Variants in ZNF850 observed in about 807,000 individuals in gnomAD.
The protein encoded by ZNF850 is putative zinc finger protein ENSP00000330994.
Under a neutral mutation model 11.9 loss-of-function variants are expected in ZNF850, and 2 were observed. The ratio of observed to expected loss-of-function variants is 0.17; its 90% CI spans 0.07 to 0.53. The LOEUF is 0.53. Among genes scored for constraint, ZNF850 ranks in the 20% least tolerant of loss-of-function variants. ZNF850 has a pLI of 0.94. For missense variants in ZNF850, 1,014 were observed against 1,316.4 expected (o/e 0.77, Z 3.55); for synonymous variants, 381 against 443.0 (o/e 0.86, Z 1.76).
intron 4 of ZNF850, among the ~76,000 whole-genome samples, chr19:36,752,482 T>G (rs1366392186): frequency 6.6e-6 from 1 of 152,188 alleles, no homozygotes; most frequent in Non-Finnish European, 1.5e-5. Flanking sequence ...GTAATTACAA[T>G]AAATCACATC....
rs78930869 is a variant in ZNF850, at chr19:36,768,683, C to T, written c.-70+4042G>A. ...TTCCCTTTAAAAATGCAGTGATAGG[C>T]CAGGTGTGGTGGCTCTTCCCTGTAA... On this transcript the variant is annotated intron_variant, in intron 1 of 4. Transcript: ENST00000591344. 7.1e-3 allele frequency among the ~76,000 whole-genome samples: 1,085 copies of T among 152,238 alleles called. 11 individuals are homozygous for T. Among genetic ancestry groups the T allele is most frequent in the African/African-American group, 0.024 (1,009 of 41,540 alleles).
rs2040523942 is a variant in ZNF850, at chr19:36,762,305, C to T, written c.139G>A (p.Gly47Ser). 1 of 1,550,982 alleles carries T rather than the reference C, an allele frequency of 6.4e-7. No homozygotes were observed. The highest frequency in any genetic ancestry group is 8.6e-7 in the Non-Finnish European group (1 of 1,156,724). Reference sequence around the variant, plus strand: ...GTTATTTGCGGATAGACATCCTTACCTAGTGAGACCAGGCTGCTGTAGTTC... The same window carrying T: ...GTTATTTGCGGATAGACATCCTTACTTAGTGAGACCAGGCTGCTGTAGTTC... ...MENYSSLVSL[G>S]LSIPKPDVIS... Residue 47 changes from glycine (G) to serine (S), a missense_variant and splice_region_variant, in exon 3 of 5, where the codon GGT becomes AGT. Transcript: ENST00000591344.
chr19:36,761,495 G>A (rs150146531), intron 4 of ZNF850, 148 bp downstream of exon 4: 197 of 420,634 alleles, frequency 4.7e-4, no homozygotes, highest in Non-Finnish European at 6.2e-4. Flanking sequence ...GGGGTGTATC[G>A]TGACTTCTCT....
rs1440892548 is a variant in ZNF850 at position 36,749,194 on chromosome 19, G to T, written c.1846C>A (p.Pro616Thr). 6.2e-7 allele frequency: 1 copy of T among 1,604,482 alleles called. No homozygotes were observed. Among genetic ancestry groups the T allele is most frequent in the Non-Finnish European group, 8.5e-7 (1 of 1,177,212 alleles). The change falls in exon 5 of 5, where the codon CCT becomes ACT. Residue 616 changes from proline (P) to threonine (T), a missense_variant. Around this residue, in one of 2 missense-constraint regions of ZNF850, gnomAD observed 835 missense variants for 1,022.0 expected, o/e 0.82. Coordinates refer to ENST00000591344, the MANE Select transcript of ZNF850 (RefSeq NM_001193552.2). ...TTCCCACATTCCTTACAATCATAAGGTTTCTCACCAGTGTGAATTTGCTGA... is the reference window on the plus strand; with the variant it reads ...TTCCCACATTCCTTACAATCATAAGTTTTCTCACCAGTGTGAATTTGCTGA... ...QHQQIHTGEK[P>T]YDCKECGKAF... is the part of the protein sequence containing the mutation.
chr19:36,757,609 C>G (rs1367650747), intron 4 of ZNF850, among the ~76,000 whole-genome samples: 2 of 148,434 alleles, frequency 1.3e-5, no homozygotes, highest in Admixed American at 1.4e-4. Flanking sequence ...TGGGTTCAAG[C>G]GATTCTCCAT....
At chr19:36,770,960 A>G (rs2040578234) in intron 1 of ZNF850, among the ~76,000 whole-genome samples, 1 of 152,062 alleles carries the variant, frequency 6.6e-6, no homozygotes, top group African/African-American at 2.4e-5. Context: ...TACCCCTAAA[A>G]TATAGCAAAG....
chr19:36,763,502 C>G (rs931697043), intron 1 of ZNF850, among the ~76,000 whole-genome samples: 1 of 151,678 alleles, frequency 6.6e-6, no homozygotes, highest in Admixed American at 6.6e-5. Flanking sequence ...CAAGATCGCA[C>G]CACTGCACTC....
Position 36,747,766 on chromosome 19 carries a change from A to G in ZNF850, c.*1T>C. 6.7e-7 allele frequency: 1 copy of G among 1,496,380 alleles called. No individual in the cohort carries two copies. The highest frequency in any genetic ancestry group is 8.9e-7 in the Non-Finnish European group (1 of 1,126,504). The allele number at this position is 1,496,380 out of a possible 1,614,324, so 92.7% of individuals were successfully genotyped here. On this transcript the variant is annotated 3_prime_UTR_variant, in exon 5 of 5. Transcript: ENST00000591344. ...GGCATGAGAACAGTTTCCTACATTA[A>G]TTATGTTAGGTCATGAATTCTCTGA... is the stretch of plus-strand genomic sequence containing the variant.
At chr19:36,751,722 A>AAG (rs1300482772) in intron 4 of ZNF850, among the ~76,000 whole-genome samples, 1 of 150,832 alleles carries the variant, frequency 6.6e-6, no homozygotes, top group African/African-American at 2.4e-5. Context: ...AAAAAAAAAA[A>AAG]AAGCTAAGGA....
At chr19:36,755,130 T>A (rs564985885) in intron 4 of ZNF850, among the ~76,000 whole-genome samples, 4 of 152,310 alleles carry the variant, frequency 2.6e-5, no homozygotes, top group South Asian at 4.1e-4. Flanking sequence ...ATAGTGCAAT[T>A]AAGGTTGAAT....
chr19:36,752,085 T>C (rs2040457396), intron 4 of ZNF850, among the ~76,000 whole-genome samples: 1 of 152,110 alleles, frequency 6.6e-6, no homozygotes, highest in African/African-American at 2.4e-5. Context: ...AAATGAATCA[T>C]TGAAACTTAA....
intron 4 of ZNF850, among the ~76,000 whole-genome samples, chr19:36,757,464 T>G (rs2145961873): frequency 6.6e-6 from 1 of 151,184 alleles, no homozygotes; most frequent in South Asian, 2.1e-4. Flanking sequence ...GTAGAAAAGA[T>G]GAAACATAAA....
rs1045169437 is a variant in ZNF850 at position 36,744,463 on chromosome 19, C to A, written c.*3304G>T. 4 of 151,948 alleles carry A rather than the reference C, an allele frequency of 2.6e-5. No individual in the cohort carries two copies. Among genetic ancestry groups the A allele is most frequent in the Non-Finnish European group, 5.9e-5 (4 of 68,018 alleles). The allele number at this position is 151,948 out of a possible 1,614,324, so 9.4% of individuals were successfully genotyped here. A position where few individuals can be genotyped will look rare whatever the true frequency, so the allele number is the denominator to read the frequency against. ...ACAACATGGTGAAACCCTGTCTCTA[C>A]AAAAGATACAAAAATTAGCTAGGTG... is the stretch of plus-strand genomic sequence containing the variant. On this transcript the variant is annotated 3_prime_UTR_variant, in exon 5 of 5. Transcript: ENST00000591344.
chr19:36,749,486 T>C lies in ZNF850; in HGVS notation c.1554A>G (p.Ser518=). The C allele has an allele frequency of 1.3e-6, 2 of 1,547,972 alleles. No individual in the cohort carries two copies. Among genetic ancestry groups the C allele is most frequent in the Non-Finnish European group, 8.7e-7 (1 of 1,151,224 alleles). Residue 518 remains serine, a synonymous_variant, in exon 5 of 5, where the codon TCA becomes TCG. Coordinates refer to ENST00000591344, the MANE Select transcript of ZNF850 (RefSeq NM_001193552.2). ...KECGKSFASG[S]ALLQHQRIHT... ...GAATTCGCTGATGTTGAAGTAGTGC[T>C]GAGCCAGAAGCAAAAGATTTTCCAC... is the stretch of plus-strand genomic sequence containing the variant.
At chr19:36,761,395 T>C (rs1344238839) in intron 4 of ZNF850, among the ~76,000 whole-genome samples, 1 of 151,562 alleles carries the variant, frequency 6.6e-6, no homozygotes, top group African/African-American at 2.4e-5. Context: ...GCCGAGATCA[T>C]GCCACTGCAC....
Position 36,750,091 on chromosome 19 carries a change from A to T in ZNF850, c.949T>A (p.Ser317Thr). 6.5e-7 allele frequency: 1 copy of T among 1,538,700 alleles called. No homozygotes were observed. The highest frequency in any genetic ancestry group is 1.2e-5 in the South Asian group (1 of 84,058). Residue 317 changes from serine to threonine, a missense_variant, in exon 5 of 5, where the codon TCT (serine) becomes ACT (threonine). Ser to Thr is a moderately conservative substitution (Grantham distance 58, BLOSUM62 1). Coordinates refer to ENST00000591344, the MANE Select transcript of ZNF850 (RefSeq NM_001193552.2). ...ATTAGTGTTGAGCCAACAGTAAAAGATTTTCCACATTGCTTACAATGATAG... is the reference window on the plus strand; with the variant it reads ...ATTAGTGTTGAGCCAACAGTAAAAGTTTTTCCACATTGCTTACAATGATAG... ...KPYHCKQCGK[S>T]FTVGSTLIRH...
At chr19:36,754,986 G>A (rs1036028532) in intron 4 of ZNF850, among the ~76,000 whole-genome samples, 17 of 152,148 alleles carry the variant, frequency 1.1e-4, no homozygotes, top group African/African-American at 2.2e-4. Flanking sequence ...AATTCTACAC[G>A]CAGCAATTAA....
intron 1 of ZNF850, among the ~76,000 whole-genome samples, chr19:36,769,327 G>C (rs1469458302): frequency 6.7e-6 from 1 of 150,140 alleles, no homozygotes; most frequent in Non-Finnish European, 1.5e-5. Flanking sequence ...AGTGATAGGT[G>C]AGGCAGCTCA....
Position 36,749,211 on chromosome 19 carries a change from AT to A in ZNF850, c.1828del (p.Ile610PhefsTer107). On this transcript the variant is annotated frameshift_variant, in exon 5 of 5. Transcript: ENST00000591344. LOFTEE classifies it low-confidence loss of function (END_TRUNC). ...VGSTLLQHQQ[I>X]HTGEKPYDCK... ...ATCATAAGGTTTCTCACCAGTGTGA[AT>A]TTGCTGATGTTGAAGTAGTGTTGAG... The A allele has an allele frequency of 6.2e-7, 1 of 1,601,626 alleles. No homozygotes were observed. The highest frequency in any genetic ancestry group is 8.5e-7 in the Non-Finnish European group (1 of 1,175,914).
Sources: gnomAD v4.1 joint callset for allele counts (sites outside exome capture counted in the v4.1 genomes callset) on GRCh38, gnomAD v4.1.1 for gene constraint, gnomAD v4.1.1 regional missense constraint, MANE v1.5 for transcripts, NCBI Gene and HGNC (gene_info 2026-07-23, HGNC 2026-07-21) for gene names.